Variants in IL1RAPL1 observed in about 807,000 individuals in gnomAD.
IL1RAPL1 encodes the protein interleukin 1 receptor accessory protein like 1.
Under a neutral mutation model 48.4 loss-of-function variants are expected in IL1RAPL1, and 3 were observed. The ratio of observed to expected loss-of-function variants is 0.06; its 90% confidence interval spans 0.03 to 0.16. The LOEUF (loss-of-function observed/expected upper bound fraction) is 0.16, where lower values mean the gene tolerates loss of function less well. IL1RAPL1 is among the 10% of genes least tolerant of loss of function. The probability of loss-of-function intolerance (pLI) is 1.00; values close to 1 mark genes in which losing one functional copy is unlikely to be tolerated. For synonymous variants in IL1RAPL1, 185 were observed against 187.7 expected (o/e 0.99, Z 0.12); for missense variants, 349 against 530.6 (o/e 0.66, Z 3.36).
chrX:29,814,275 A>G (rs974709446), intron 6 of IL1RAPL1, among the ~76,000 whole-genome samples: 4 of 111,675 alleles, frequency 3.6e-5, no homozygotes, highest in Admixed American at 1.9e-4. Flanking sequence ...AATAAAGCCA[A>G]TCTGACTGGT....
chrX:28,908,503 GTCTT>G (rs1365989367), intron 2 of IL1RAPL1, among the ~76,000 whole-genome samples: 6 of 111,634 alleles, frequency 5.4e-5, no homozygotes, highest in Non-Finnish European at 1.1e-4. Context: ...TTTTCAAACT[GTCTT>G]TCTGTTATTG....
intron 2 of IL1RAPL1, among the ~76,000 whole-genome samples, chrX:29,013,694 C>T (rs779885292): frequency 8.1e-5 from 9 of 110,759 alleles, no homozygotes; most frequent in Non-Finnish European, 1.7e-4. Flanking sequence ...GGGAACGACA[C>T]ACACTAGGGC....
chrX:29,529,483 A>G (rs1408738456), intron 5 of IL1RAPL1, among the ~76,000 whole-genome samples: 1 of 107,982 alleles, frequency 9.3e-6, no homozygotes, highest in Non-Finnish European at 1.9e-5. Flanking sequence ...AATCCCAGCT[A>G]CTTGGGAGCT....
At chrX:29,773,719 C>T (rs1601817380) in intron 6 of IL1RAPL1, among the ~76,000 whole-genome samples, 1 of 111,485 alleles carries the variant, frequency 9.0e-6, no homozygotes, top group East Asian at 2.8e-4. Flanking sequence ...ACGTAGACAT[C>T]TTTACAGTTT....
intron 5 of IL1RAPL1, among the ~76,000 whole-genome samples, chrX:29,508,431 G>T (rs1306747566): frequency 8.9e-6 from 1 of 111,796 alleles, no homozygotes; most frequent in Non-Finnish European, 1.9e-5. Flanking sequence ...AATTATTTTT[G>T]TAAGATATTT....
chrX:28,829,780 G>A (rs762961770), intron 2 of IL1RAPL1, among the ~76,000 whole-genome samples: 2 of 109,965 alleles, frequency 1.8e-5, no homozygotes, highest in Non-Finnish European at 3.8e-5. Context: ...GGCTGGTCTC[G>A]AGCTCCTGAC....
intron 5 of IL1RAPL1, among the ~76,000 whole-genome samples, chrX:29,488,109 C>T (rs191448920): frequency 8.9e-6 from 1 of 112,093 alleles, no homozygotes; most frequent in African/African-American, 3.2e-5. Flanking sequence ...CTCCATACAT[C>T]AGAGTATAGG....
intron 1 of IL1RAPL1, among the ~76,000 whole-genome samples, chrX:28,721,719 T>C (rs1390125314): frequency 1.8e-5 from 2 of 111,502 alleles, no homozygotes; most frequent in African/African-American, 6.6e-5. Context: ...AGGGTTTTTA[T>C]GGTTTTAGGT....
intron 2 of IL1RAPL1, among the ~76,000 whole-genome samples, chrX:28,823,500 A>G (rs758828287): frequency 2.1e-3 from 227 of 110,442 alleles, no homozygotes; most frequent in African/African-American, 7.2e-3. Flanking sequence ...AAGTATGATA[A>G]CTCTTAGTAT....
At chrX:29,101,479 G>A (rs958352276) in intron 2 of IL1RAPL1, among the ~76,000 whole-genome samples, 1 of 111,102 alleles carries the variant, frequency 9.0e-6, no homozygotes, top group Non-Finnish European at 1.9e-5. Context: ...AGAGGATGAG[G>A]AAATACTTCC....
intron 2 of IL1RAPL1, among the ~76,000 whole-genome samples, chrX:29,103,863 T>C (rs1023947037): frequency 1.8e-5 from 2 of 111,943 alleles, no homozygotes; most frequent in African/African-American, 6.5e-5. Context: ...AATAGGTCTA[T>C]GAAAAGGTAC....
chrX:29,599,722 C>CT, intron 5 of IL1RAPL1, among the ~76,000 whole-genome samples: 1 of 111,740 alleles, frequency 8.9e-6, no homozygotes, highest in South Asian at 3.7e-4. Flanking sequence ...TTTTGAAATT[C>CT]TTTTTTCTTT....
intron 1 of IL1RAPL1, among the ~76,000 whole-genome samples, chrX:28,753,955 A>G (rs929113326): frequency 9.0e-6 from 1 of 110,891 alleles, no homozygotes; most frequent in Admixed American, 9.7e-5. Context: ...AGAAAGAGAG[A>G]ACGAGAACAC....
Position 29,803,024 on chromosome X carries a change from TAC to T in IL1RAPL1, c.779-114438_779-114437del, listed in dbSNP as rs1491129675. Among the ~76,000 whole-genome samples the T allele has an allele frequency of 3.8e-3, 213 of 55,741 alleles. 5 individuals are homozygous for T. Among genetic ancestry groups the T allele is most frequent in the African/African-American group, 0.011 (153 of 13,663 alleles). 48.4% of individuals were successfully genotyped at this position (55,741 alleles called of 115,157 possible). On this transcript the variant is annotated intron_variant, in intron 6 of 10. Transcript: ENST00000378993. ...ATGCATATATACATATGTGTACATA[TAC>T]ATGTATGCATATATACATATATGTG...
In IL1RAPL1 at chrX:29,369,945, T is replaced by C. The variant is rs187060899; in HGVS notation, c.363-26313T>C. 2.7e-5 allele frequency: 3 copies of C among 112,175 alleles called. No homozygotes were observed. In the East Asian group the frequency reaches 8.4e-4, roughly 31 times the overall value. 9.2% of individuals were successfully genotyped at this position (112,175 alleles called of 1,213,427 possible). A position where few individuals can be genotyped will look rare whatever the true frequency, so the allele number is the denominator to read the frequency against. On this transcript the variant is annotated intron_variant, in intron 3 of 10. Coordinates refer to ENST00000378993, the MANE Select transcript of IL1RAPL1 (RefSeq NM_014271.4). ...GAGTTTGGCTAGCTCATGTCGTATATGTTGTTGTTTGTCCTTTTTTATTTA... is the reference window on the plus strand; with the variant it reads ...GAGTTTGGCTAGCTCATGTCGTATACGTTGTTGTTTGTCCTTTTTTATTTA...
intron 2 of IL1RAPL1, among the ~76,000 whole-genome samples, chrX:29,081,020 C>CTCTCTTTTCT (rs1555960745): frequency 6.9e-4 from 29 of 41,891 alleles, no homozygotes; most frequent in African/African-American, 2.2e-3. Flanking sequence ...CTCTCTCTCT[C>CTCTCTTTTCT]TTTCTTTTCT....
At chrX:28,807,390 A>G (rs1936744912) in intron 2 of IL1RAPL1, among the ~76,000 whole-genome samples, 1 of 111,711 alleles carries the variant, frequency 9.0e-6, no homozygotes, top group Non-Finnish European at 1.9e-5. Context: ...TAGGTACAGA[A>G]TAGTATTTAT....
At chrX:29,752,452 C>T (rs977889865) in intron 6 of IL1RAPL1, among the ~76,000 whole-genome samples, 10 of 101,378 alleles carry the variant, frequency 9.9e-5, no homozygotes, top group African/African-American at 2.6e-4. Flanking sequence ...GCCGAGATTG[C>T]GCCACTGCAC....
At chrX:28,925,655 G>A (rs958044408) in intron 2 of IL1RAPL1, among the ~76,000 whole-genome samples, 12 of 111,883 alleles carry the variant, frequency 1.1e-4, no homozygotes, top group East Asian at 2.8e-4. Flanking sequence ...GGCCAGGTGC[G>A]GTGGCTCACG....
Sources: allele counts gnomAD v4.1 joint callset (sites outside exome capture counted in the v4.1 genomes callset), GRCh38; gene constraint gnomAD v4.1.1; transcripts MANE v1.5; gene names NCBI Gene and HGNC (gene_info 2026-07-23, HGNC 2026-07-21).